TGFBR1: variants seen among roughly 807,000 people sequenced by gnomAD.
TGFBR1 encodes the protein transforming growth factor beta receptor 1.
TGFBR1 carries 20 observed loss-of-function variants against 55.1 expected under a neutral mutation model. The ratio of observed to expected loss-of-function variants is 0.36; its 90% CI spans 0.26 to 0.53. The LOEUF (loss-of-function observed/expected upper bound fraction) is 0.53, where lower values mean the gene tolerates loss of function less well. Among genes scored for constraint, TGFBR1 ranks in the 20% least tolerant of loss-of-function variants. The pLI is 0.91. For missense variants in TGFBR1, 385 were observed against 617.6 expected (o/e 0.62, Z 3.99); for synonymous variants, 220 against 214.8 (o/e 1.02, Z -0.21).
intron 3 of TGFBR1, among the ~76,000 whole-genome samples, chr9:99,135,683 G>A (rs1827415619): frequency 6.6e-6 from 1 of 152,046 alleles, no homozygotes; most frequent in African/African-American, 2.4e-5. Flanking sequence ...TGTAATATAT[G>A]CATGTTGTTC....
intron 2 of TGFBR1, among the ~76,000 whole-genome samples, chr9:99,131,358 A>C (rs969411455): frequency 1.3e-5 from 2 of 152,200 alleles, no homozygotes; most frequent in Non-Finnish European, 2.9e-5. Context: ...TCAGTGTACA[A>C]GGGTGCATGG....
Position 99,122,174 on chromosome 9 carries a change from A to C in TGFBR1, c.98-6681A>C, listed in dbSNP as rs16918277. Among the ~76,000 whole-genome samples the C allele has an allele frequency of 7.2e-3, 1,095 of 152,226 alleles. 20 individuals are homozygous for C. Among genetic ancestry groups the C allele is most frequent in the African/African-American group, 0.025 (1,032 of 41,554 alleles). On this transcript the variant is annotated intron_variant, in intron 1 of 8. Coordinates refer to ENST00000374994, the MANE Select transcript of TGFBR1 (RefSeq NM_004612.4). ...TGATAGAAGGCTGGAGAGGGCCAGT[A>C]ACAAGGGTTGAAAAAGGAAAGAGTA...
At chr9:99,110,999 A>T (rs2118271667) in intron 1 of TGFBR1, among the ~76,000 whole-genome samples, 1 of 152,206 alleles carries the variant, frequency 6.6e-6, no homozygotes, top group African/African-American at 2.4e-5. Context: ...CCTTTTTTGC[A>T]AACCATGAGA....
chr9:99,139,837 C>G (rs990351659), intron 4 of TGFBR1, among the ~76,000 whole-genome samples: 1 of 152,002 alleles, frequency 6.6e-6, no homozygotes, highest in African/African-American at 2.4e-5. Context: ...TCTTTTTTCT[C>G]CTCTCGCAGC....
intron 1 of TGFBR1, among the ~76,000 whole-genome samples, chr9:99,124,316 C>T (rs543151848): frequency 1.3e-5 from 2 of 152,240 alleles, no homozygotes; most frequent in South Asian, 2.1e-4. Context: ...CTCATCTCTG[C>T]ACCTCATAGC....
chr9:99,107,198 A>T (rs1360531094), intron 1 of TGFBR1, among the ~76,000 whole-genome samples: 3 of 152,222 alleles, frequency 2.0e-5, no homozygotes, highest in African/African-American at 7.2e-5. Context: ...AGACTGCCTC[A>T]GCTTGTCTGC....
rs200063976 is a variant in TGFBR1, at chr9:99,149,721, G to C, written c.*416G>C. On this transcript the variant is annotated 3_prime_UTR_variant, in exon 9 of 9. Coordinates refer to ENST00000374994, the MANE Select transcript of TGFBR1 (RefSeq NM_004612.4). ...TTTACTCCTGGTTAGTACATTCTCA[G>C]AGGATTCTGAACCACTAGAGTTTCC... 4 of 274,870 alleles carry C rather than the reference G, an allele frequency of 1.5e-5. No individual in the cohort carries two copies. The highest frequency in any genetic ancestry group is 2.8e-5 in the Non-Finnish European group (4 of 141,996). 17.0% of individuals were successfully genotyped at this position (274,870 alleles called of 1,614,324 possible).
rs201745016 is a variant in TGFBR1, at chr9:99,147,683, T to C, written c.1285T>C (p.Tyr429His). 3.7e-5 allele frequency: 60 copies of C among 1,613,572 alleles called. No individual in the cohort carries two copies. Among genetic ancestry groups the C allele is most frequent in the Non-Finnish European group, 4.4e-5 (52 of 1,179,736 alleles). Residue 429 changes from tyrosine (Y) to histidine (H), a missense_variant, in exon 8 of 9, where the codon TAT becomes CAT. Tyr to His is a moderately conservative substitution (Grantham distance 83, BLOSUM62 2). Coordinates refer to ENST00000374994, the MANE Select transcript of TGFBR1 (RefSeq NM_004612.4). Reference sequence around the variant, plus strand: ...TCATGAAGATTACCAACTGCCTTATTATGATCTTGTACCTTCTGACCCATC... The same window carrying C: ...TCATGAAGATTACCAACTGCCTTATCATGATCTTGTACCTTCTGACCCATC... ...GIHEDYQLPYYDLVPSDPSVE... is the reference protein window; with the variant it reads ...GIHEDYQLPYHDLVPSDPSVE...
rs117657295 is a variant in TGFBR1 at position 99,116,596 on chromosome 9, A to G, written c.97+11294A>G. 8.6e-3 allele frequency among the ~76,000 whole-genome samples: 1,315 copies of G among 152,342 alleles called. 10 individuals carry two copies. Among genetic ancestry groups the G allele is most frequent in the Non-Finnish European group, 0.014 (942 of 68,030 alleles). ...GCAAGATAGTCTTCGGTGTTGTATC[A>G]TCAGTTATCCAAGGTATAAATAACA... On this transcript the variant is annotated intron_variant, in intron 1 of 8. Transcript: ENST00000374994.
chr9:99,111,451 A>T (rs1826576372), intron 1 of TGFBR1, among the ~76,000 whole-genome samples: 2 of 151,174 alleles, frequency 1.3e-5, no homozygotes, highest in African/African-American at 2.4e-5. Context: ...ACATGATGAA[A>T]CCCTGTCTCT....
chr9:99,149,843 T>TAGTA lies in TGFBR1; in HGVS notation c.*539_*542dup, dbSNP rs1564180158. ...TCTTGAGTCTAAAAATGACCTCATA[T>TAGTA]AGTAGTGAGGAACATAATTCATGCA... On this transcript the variant is annotated 3_prime_UTR_variant, in exon 9 of 9. Transcript: ENST00000374994. 4.5e-6 allele frequency: 1 copy of TAGTA among 222,192 alleles called. No homozygotes were observed. Among genetic ancestry groups the TAGTA allele is most frequent in the African/African-American group, 2.2e-5 (1 of 44,488 alleles). 13.8% of individuals were successfully genotyped at this position (222,192 alleles called of 1,614,324 possible).
intron 1 of TGFBR1, among the ~76,000 whole-genome samples, chr9:99,105,903 G>C (rs182168589): frequency 6.6e-6 from 1 of 152,190 alleles, no homozygotes; most frequent in Non-Finnish European, 1.5e-5. Flanking sequence ...CCTGACTCCC[G>C]CCCGGCTCGA....
chr9:99,107,268 C>T (rs1419795937), intron 1 of TGFBR1, among the ~76,000 whole-genome samples: 1 of 152,208 alleles, frequency 6.6e-6, no homozygotes, highest in Middle Eastern at 3.2e-3. Flanking sequence ...TGAAAAAGGT[C>T]AAATGCTTTT....
At chr9:99,107,940 C>G (rs1564124496) in intron 1 of TGFBR1, among the ~76,000 whole-genome samples, 1 of 152,264 alleles carries the variant, frequency 6.6e-6, no homozygotes, top group South Asian at 2.1e-4. Flanking sequence ...CTTTGTCTTC[C>G]AGAACTCTGC....
chr9:99,116,135 C>G (rs984089603), intron 1 of TGFBR1, among the ~76,000 whole-genome samples: 4 of 150,624 alleles, frequency 2.7e-5, no homozygotes, highest in Non-Finnish European at 4.4e-5. Context: ...CTCTCACATT[C>G]TTTCTCCCCA....
At chr9:99,130,915 T>C (rs1221218051) in intron 2 of TGFBR1, among the ~76,000 whole-genome samples, 3 of 152,180 alleles carry the variant, frequency 2.0e-5, no homozygotes, top group African/African-American at 7.2e-5. Context: ...AACAACAGAC[T>C]GGATGCCATA....
At chr9:99,148,501 G>C (rs577743226) in intron 8 of TGFBR1, among the ~76,000 whole-genome samples, 6 of 152,254 alleles carry the variant, frequency 3.9e-5, no homozygotes, top group East Asian at 3.9e-4. Flanking sequence ...GCTTAAAAAG[G>C]CTATAAAAAG....
intron 4 of TGFBR1, among the ~76,000 whole-genome samples, chr9:99,140,565 C>G (rs1394098029): frequency 6.6e-6 from 1 of 152,194 alleles, no homozygotes; most frequent in Non-Finnish European, 1.5e-5. Context: ...TTTCCTCCCC[C>G]AACTCTTAAA....
intron 3 of TGFBR1, among the ~76,000 whole-genome samples, chr9:99,134,284 T>G (rs928710343): frequency 2.0e-5 from 3 of 152,210 alleles, no homozygotes; most frequent in African/African-American, 7.2e-5. Context: ...AGCTCTCTCC[T>G]TGACTACTAG....
Sources: gnomAD v4.1 joint callset for allele counts (sites outside exome capture counted in the v4.1 genomes callset) on GRCh38, gnomAD v4.1.1 for gene constraint, MANE v1.5 for transcripts, NCBI Gene and HGNC (gene_info 2026-07-23, HGNC 2026-07-21) for gene names.